The following PCCA variants were observed in gnomAD, a reference collection of about 807,000 sequenced individuals.
PCCA encodes the protein propionyl-CoA carboxylase subunit alpha, also known as propionyl-CoA carboxylase alpha chain, mitochondrial.
A neutral mutation model predicts 101.3 loss-of-function variants in PCCA; 74 were observed. That is an observed-to-expected ratio of 0.73 (90% CI 0.61 to 0.89). The LOEUF (loss-of-function observed/expected upper bound fraction) is 0.89. Ranked by LOEUF, PCCA falls within the 40% of genes least tolerant of loss-of-function variation. The pLI is 0.00. For synonymous variants in PCCA, 294 were observed against 313.6 expected (o/e 0.94, Z 0.66); for missense variants, 891 against 907.0 (o/e 0.98, Z 0.23).
chr13:100,288,208 C>T (rs1342117840), intron 12 of PCCA, among the ~76,000 whole-genome samples: 1 of 152,144 alleles, frequency 6.6e-6, no homozygotes, highest in Non-Finnish European at 1.5e-5. Context: ...TCCCTCATGC[C>T]ACACCATTTC....
At chr13:100,416,990 T>G (rs1227257544) in intron 19 of PCCA, among the ~76,000 whole-genome samples, 1 of 151,944 alleles carries the variant, frequency 6.6e-6, no homozygotes, top group Non-Finnish European at 1.5e-5. Context: ...ATTACAGGCA[T>G]GTGCCACCAC....
intron 17 of PCCA, among the ~76,000 whole-genome samples, chr13:100,336,196 A>C (rs2070423785): frequency 6.6e-6 from 1 of 152,152 alleles, no homozygotes; most frequent in African/African-American, 2.4e-5. Context: ...CAGGAGGTAA[A>C]GGTTGTGGTG....
intron 4 of PCCA, among the ~76,000 whole-genome samples, chr13:100,141,931 TAAGAGAG>T (rs1440941430): frequency 2.6e-5 from 4 of 152,234 alleles, no homozygotes; most frequent in Admixed American, 6.5e-5. Flanking sequence ...TTGAATTACA[TAAGAGAG>T]TGGAAAACAA....
Position 100,530,296 on chromosome 13 carries a change from A to G in PCCA, c.*130A>G, listed in dbSNP as rs2088311218. ...ACGTTTACGTCGTCATTTATTCCAC[A>G]GAGTCAAGACCAATATTCTGCCAAA... On this transcript the variant is annotated 3_prime_UTR_variant, in exon 24 of 24. Coordinates refer to ENST00000376285, the MANE Select transcript of PCCA (RefSeq NM_000282.4). The G allele has an allele frequency of 5.1e-6, 4 of 781,810 alleles. 1 individual carries two copies. The highest frequency in any genetic ancestry group is 4.6e-4 in the Middle Eastern group (2 of 4,344). 48.4% of individuals were successfully genotyped at this position (781,810 alleles called of 1,614,324 possible). A position where few individuals can be genotyped will look rare whatever the true frequency, so the allele number is the denominator to read the frequency against.
intron 17 of PCCA, among the ~76,000 whole-genome samples, chr13:100,335,225 A>G (rs2070255292): frequency 6.6e-6 from 1 of 152,196 alleles, no homozygotes; most frequent in African/African-American, 2.4e-5. Context: ...GGAAATTGCT[A>G]AAGAAAGTAC....
chr13:100,494,728 G>C (rs1217516454), intron 21 of PCCA, among the ~76,000 whole-genome samples: 2 of 151,654 alleles, frequency 1.3e-5, no homozygotes, highest in African/African-American at 4.9e-5. Flanking sequence ...AACATGACAA[G>C]TGCTTCTTGC....
At chr13:100,439,731 G>A (rs2080204126) in intron 20 of PCCA, among the ~76,000 whole-genome samples, 1 of 151,876 alleles carries the variant, frequency 6.6e-6, no homozygotes, top group African/African-American at 2.4e-5. Flanking sequence ...ACTAACTGCT[G>A]TTGGCCTGTT....
chr13:100,488,709 G>A (rs184161099), intron 21 of PCCA, among the ~76,000 whole-genome samples: 1 of 150,822 alleles, frequency 6.6e-6, no homozygotes, highest in Non-Finnish European at 1.5e-5. Context: ...AGGAGGCTAA[G>A]GCAGGAGGAT....
At chr13:100,234,382 T>C (rs2060659873) in intron 7 of PCCA, among the ~76,000 whole-genome samples, 1 of 152,160 alleles carries the variant, frequency 6.6e-6, no homozygotes. Context: ...ACCTTGATTT[T>C]GGAAGGCATA....
At chr13:100,343,299 A>G (rs1412745627) in intron 18 of PCCA, among the ~76,000 whole-genome samples, 1 of 151,868 alleles carries the variant, frequency 6.6e-6, no homozygotes, top group Non-Finnish European at 1.5e-5. Flanking sequence ...TAAGTTCATG[A>G]TAAGATGCTC....
intron 4 of PCCA, among the ~76,000 whole-genome samples, chr13:100,135,538 A>G (rs376693056): frequency 6.6e-6 from 1 of 152,190 alleles, no homozygotes; most frequent in South Asian, 2.1e-4. Flanking sequence ...TGCTAAACTC[A>G]TTAGTTCTAG....
intron 18 of PCCA, among the ~76,000 whole-genome samples, chr13:100,353,362 T>G (rs1387754813): frequency 1.3e-5 from 2 of 152,150 alleles, no homozygotes; most frequent in African/African-American, 4.8e-5. Flanking sequence ...CTAGACCATA[T>G]TTACCATACC....
chr13:100,335,748 G>C (rs544500673), intron 17 of PCCA, among the ~76,000 whole-genome samples: 4 of 152,298 alleles, frequency 2.6e-5, no homozygotes, highest in African/African-American at 9.6e-5. Context: ...TTGTTCCTCA[G>C]TTGGTTCCCA....
In PCCA at chr13:100,240,958, C is replaced by T. The variant is rs1052981182; in HGVS notation, c.637+5080C>T. 4.2e-4 allele frequency among the ~76,000 whole-genome samples: 64 copies of T among 152,108 alleles called. 1 individual carries two copies. The highest frequency in any genetic ancestry group is 1.0e-4 in the Non-Finnish European group (7 of 68,024). On this transcript the variant is annotated intron_variant, in intron 8 of 23. Coordinates refer to ENST00000376285, the MANE Select transcript of PCCA (RefSeq NM_000282.4). ...CATATATATATATAACTTAGAATCC[C>T]ACCAAGGTGCTGAACATACTATTTC... is the stretch of plus-strand genomic sequence containing the variant.
chr13:100,401,938 A>G (rs1356718443), intron 19 of PCCA, among the ~76,000 whole-genome samples: 1 of 152,170 alleles, frequency 6.6e-6, no homozygotes, highest in Non-Finnish European at 1.5e-5. Flanking sequence ...GTAGCATTTT[A>G]AATTTGTTTC....
chr13:100,445,935 G>A (rs1434231826), intron 20 of PCCA, among the ~76,000 whole-genome samples: 2 of 152,216 alleles, frequency 1.3e-5, no homozygotes, highest in Admixed American at 6.5e-5. Flanking sequence ...ATATGCAGTA[G>A]TGGGATTGTT....
chr13:100,124,786 A>AT (rs1256040087), intron 4 of PCCA, among the ~76,000 whole-genome samples: 1 of 152,088 alleles, frequency 6.6e-6, no homozygotes, highest in East Asian at 1.9e-4. Context: ...TCTTTATTTC[A>AT]TTTTTTATAT....
chr13:100,263,900 T>TA (rs1958860231), intron 10 of PCCA, among the ~76,000 whole-genome samples: 1 of 151,094 alleles, frequency 6.6e-6, no homozygotes, highest in Non-Finnish European at 1.5e-5. Flanking sequence ...ATGTCATAGA[T>TA]ACAGTATCTG....
intron 7 of PCCA, among the ~76,000 whole-genome samples, chr13:100,220,023 A>G (rs2059724486): frequency 6.6e-6 from 1 of 151,952 alleles, no homozygotes; most frequent in Admixed American, 6.6e-5. Flanking sequence ...TGTTTATAAC[A>G]TTTTCTTTTT....
Sources: gnomAD v4.1 joint callset for allele counts (sites outside exome capture counted in the v4.1 genomes callset) on GRCh38, gnomAD v4.1.1 for gene constraint, MANE v1.5 for transcripts, NCBI Gene and HGNC (gene_info 2026-07-23, HGNC 2026-07-21) for gene names.